CNTN4: variants seen among roughly 807,000 people sequenced by gnomAD.
The protein encoded by CNTN4 is contactin-4.
CNTN4 carries 77 observed loss-of-function variants against 122.5 expected under a neutral mutation model. That is an observed-to-expected ratio of 0.63 (90% confidence interval 0.52 to 0.76). The LOEUF (loss-of-function observed/expected upper bound fraction) is 0.76. Ranked by LOEUF, CNTN4 falls within the 30% of genes least tolerant of loss-of-function variation. The probability of loss-of-function intolerance (pLI) is 0.00; values close to 1 mark genes in which losing one functional copy is unlikely to be tolerated. For missense variants in CNTN4, 1,256 were observed against 1,259.1 expected, an observed-to-expected ratio of 1.00 and a Z score of 0.04; for synonymous variants, 512 against 447.0, an observed-to-expected ratio of 1.15 and a Z score of -1.83.
chr3:2,194,243 C>G (rs901556474), intron 2 of CNTN4, among the ~76,000 whole-genome samples: 3 of 152,038 alleles, frequency 2.0e-5, no homozygotes, highest in African/African-American at 7.2e-5. Flanking sequence ...GCAGGAGGAT[C>G]ACTTGAGCCC....
intron 2 of CNTN4, among the ~76,000 whole-genome samples, chr3:2,190,817 C>T (rs1209201398): frequency 6.6e-6 from 1 of 150,632 alleles, no homozygotes; most frequent in Admixed American, 6.6e-5. Flanking sequence ...CACACACACA[C>T]ACACACACAC....
intron 2 of CNTN4, among the ~76,000 whole-genome samples, chr3:2,203,223 T>A (rs577162147): frequency 2.0e-5 from 3 of 152,300 alleles, no homozygotes; most frequent in Admixed American, 6.5e-5. Flanking sequence ...TTTTCAGGTG[T>A]GTAAAATGAA....
chr3:2,747,844 T>G (rs1433266792), intron 6 of CNTN4, among the ~76,000 whole-genome samples: 1 of 152,206 alleles, frequency 6.6e-6, no homozygotes, highest in Non-Finnish European at 1.5e-5. Context: ...AGCAGACTGC[T>G]CTACTTGTTC....
intron 2 of CNTN4, among the ~76,000 whole-genome samples, chr3:2,168,305 A>G (rs1332247050): frequency 6.6e-6 from 1 of 152,218 alleles, no homozygotes; most frequent in Non-Finnish European, 1.5e-5. Flanking sequence ...ATTATAAATT[A>G]GCAAGGACCA....
intron 9 of CNTN4, 80 bp downstream of exon 9, chr3:2,883,327 A>T (rs2093934013): frequency 9.7e-7 from 1 of 1,028,610 alleles, no homozygotes; most frequent in Non-Finnish European, 1.5e-6. Context: ...GTTCACAGCG[A>T]TGGTTTCTGA....
rs138718349 is a variant in CNTN4 at position 2,520,933 on chromosome 3, G to C, written c.-88-50483G>C. Among the ~76,000 whole-genome samples the C allele has an allele frequency of 2.2e-3, 339 of 152,168 alleles. 3 individuals are homozygous for C. The highest frequency in any genetic ancestry group is 7.1e-3 in the African/African-American group (295 of 41,518). On this transcript the variant is annotated intron_variant, in intron 3 of 24. Coordinates refer to ENST00000418658, the MANE Select transcript of CNTN4 (RefSeq NM_175607.3). ...CTCATACTGTTTGTTCTAGAGTTCA[G>C]AGATAGAAAATGAACAATATGAACA... is the stretch of plus-strand genomic sequence containing the variant.
intron 13 of CNTN4, among the ~76,000 whole-genome samples, chr3:2,953,350 G>T (rs2094765479): frequency 1.3e-5 from 2 of 151,834 alleles, no homozygotes; most frequent in South Asian, 4.2e-4. Context: ...CAATTTCTCA[G>T]CACCATTTGA....
chr3:2,908,888 G>C (rs1577232119), intron 12 of CNTN4, among the ~76,000 whole-genome samples: 2 of 152,184 alleles, frequency 1.3e-5, no homozygotes, highest in East Asian at 3.9e-4. Flanking sequence ...CAGTATCCCG[G>C]GGGTTCTCCT....
chr3:2,440,469 T>C (rs924634089), intron 3 of CNTN4, among the ~76,000 whole-genome samples: 1 of 152,296 alleles, frequency 6.6e-6, no homozygotes. Flanking sequence ...AGCAGATAAT[T>C]TGTGAATTGC....
chr3:2,740,081 G>C (rs1351883601), intron 5 of CNTN4, among the ~76,000 whole-genome samples: 2 of 152,116 alleles, frequency 1.3e-5, no homozygotes, highest in Non-Finnish European at 2.9e-5. Context: ...TATAGGCAGG[G>C]CACAGTGGCT....
chr3:2,856,516 A>C (rs558986492), intron 7 of CNTN4, among the ~76,000 whole-genome samples: 1 of 152,326 alleles, frequency 6.6e-6, no homozygotes, highest in South Asian at 2.1e-4. Context: ...TACCTTAAGC[A>C]ACCCTTCTTA....
chr3:2,673,715 T>G (rs1447553050), intron 4 of CNTN4, among the ~76,000 whole-genome samples: 1 of 151,960 alleles, frequency 6.6e-6, no homozygotes, highest in Non-Finnish European at 1.5e-5. Context: ...TAATTTTTTT[T>G]GCATTTTTAG....
chr3:3,015,954 C>T (rs1697717640), intron 14 of CNTN4, among the ~76,000 whole-genome samples: 1 of 152,150 alleles, frequency 6.6e-6, no homozygotes, highest in Admixed American at 6.6e-5. Flanking sequence ...ATGAAATTTA[C>T]TGTATTTCAC....
chr3:2,134,343 G>A (rs995681290), intron 2 of CNTN4, among the ~76,000 whole-genome samples: 3 of 152,154 alleles, frequency 2.0e-5, no homozygotes, highest in Admixed American at 1.3e-4. Flanking sequence ...ATTTGAATTC[G>A]TACCCCAGTC....
chr3:2,366,726 CAAA>C lies in CNTN4; in HGVS notation c.-89+27504_-89+27506del, dbSNP rs912485944. ...TGGGTGACAAAGCGAGACTCTGTCT[CAAA>C]AAAAAAAAAATAATAATAGTAATAA... is the stretch of plus-strand genomic sequence containing the variant. On this transcript the variant is annotated intron_variant, in intron 3 of 24. Coordinates refer to ENST00000418658, the MANE Select transcript of CNTN4 (RefSeq NM_175607.3). Among the ~76,000 whole-genome samples, 90 of 139,384 alleles carry C rather than the reference CAAA, an allele frequency of 6.5e-4. No homozygotes were observed. The East Asian group carries it at 0.017, about 26-fold the overall frequency. 91.4% of individuals were successfully genotyped at this position (139,384 alleles called of 152,430 possible). A position where few individuals can be genotyped will look rare whatever the true frequency, so the allele number is the denominator to read the frequency against.
intron 4 of CNTN4, among the ~76,000 whole-genome samples, chr3:2,690,327 A>G (rs1190161481): frequency 6.6e-6 from 1 of 152,162 alleles, no homozygotes; most frequent in Non-Finnish European, 1.5e-5. Context: ...TGGCTGGAGT[A>G]AAGTCCCAAG....
intron 2 of CNTN4, among the ~76,000 whole-genome samples, chr3:2,175,946 A>G (rs763864095): frequency 1.3e-5 from 2 of 152,342 alleles, no homozygotes; most frequent in South Asian, 4.1e-4. Flanking sequence ...CAACCCCTTC[A>G]TCTTTAAGTT....
chr3:2,741,759 G>C (rs2089468502), intron 5 of CNTN4, among the ~76,000 whole-genome samples: 1 of 152,182 alleles, frequency 6.6e-6, no homozygotes, highest in African/African-American at 2.4e-5. Flanking sequence ...TTTTGCAGCA[G>C]AATTTGGCAA....
At chr3:2,333,814 G>A (rs1279487014) in intron 2 of CNTN4, among the ~76,000 whole-genome samples, 5 of 152,140 alleles carry the variant, frequency 3.3e-5, no homozygotes, top group African/African-American at 1.2e-4. Context: ...ATCAAGCAAA[G>A]CTAATGGAAA....
Sources: gnomAD v4.1 joint callset for allele counts (sites outside exome capture counted in the v4.1 genomes callset) on GRCh38, gnomAD v4.1.1 for gene constraint, MANE v1.5 for transcripts, NCBI Gene and HGNC (gene_info 2026-07-23, HGNC 2026-07-21) for gene names.